Variants in DGKB observed in about 807,000 individuals in gnomAD.
DGKB encodes the protein 90 kDa diacylglycerol kinase.
A neutral mutation model predicts 114.3 loss-of-function variants in DGKB; 67 were observed. The observed-to-expected ratio is 0.59, with a 90% CI of 0.48 to 0.72. The LOEUF is 0.72. DGKB is among the 30% of genes least tolerant of loss of function. The pLI is 0.00. For missense variants in DGKB, 907 were observed against 975.2 expected (o/e 0.93, Z 0.93); for synonymous variants, 398 against 323.1 (o/e 1.23, Z -2.49).
chr7:14,787,332 G>A (rs1840045396), intron 2 of DGKB, among the ~76,000 whole-genome samples: 1 of 152,294 alleles, frequency 6.6e-6, no homozygotes, highest in East Asian at 1.9e-4. Flanking sequence ...GCTAAGTTCA[G>A]AGTCCTACTT....
intron 21 of DGKB, among the ~76,000 whole-genome samples, chr7:14,346,202 T>C (rs1262445313): frequency 6.6e-6 from 1 of 151,838 alleles, no homozygotes; most frequent in Non-Finnish European, 1.5e-5. Flanking sequence ...TAAATATTGA[T>C]ATCTGCTTCT....
At chr7:14,289,222 G>GA (rs1014143087) in intron 23 of DGKB, among the ~76,000 whole-genome samples, 1 of 151,688 alleles carries the variant, frequency 6.6e-6, no homozygotes, top group African/African-American at 2.4e-5. Context: ...ACTCGTGCTT[G>GA]AAAAAAACCA....
chr7:14,635,183 C>T (rs1409012310), intron 13 of DGKB, among the ~76,000 whole-genome samples: 2 of 138,966 alleles, frequency 1.4e-5, no homozygotes, highest in African/African-American at 5.6e-5. Context: ...ATATTTTTAA[C>T]TGTGGTTACT....
At chr7:14,189,757 T>C (rs183879200) in intron 23 of DGKB, among the ~76,000 whole-genome samples, 7 of 152,236 alleles carry the variant, frequency 4.6e-5, no homozygotes, top group East Asian at 1.9e-4. Context: ...ATAAGCCATA[T>C]TGATATCAGA....
At chr7:14,433,214 T>A (rs1046198955) in intron 21 of DGKB, among the ~76,000 whole-genome samples, 1 of 152,080 alleles carries the variant, frequency 6.6e-6, no homozygotes, top group Non-Finnish European at 1.5e-5. Context: ...CTGTCAAGAG[T>A]CATTCCAATT....
At chr7:14,529,280 G>A (rs1791160407) in intron 20 of DGKB, among the ~76,000 whole-genome samples, 1 of 151,880 alleles carries the variant, frequency 6.6e-6, no homozygotes, top group African/African-American at 2.4e-5. Flanking sequence ...TTGAAGATGG[G>A]CAAGAAGAGA....
At chr7:14,610,534 G>A (rs1805355721) in intron 16 of DGKB, among the ~76,000 whole-genome samples, 1 of 151,700 alleles carries the variant, frequency 6.6e-6, no homozygotes, top group African/African-American at 2.4e-5. Flanking sequence ...TAAAGTTAAG[G>A]GATATATTTA....
intron 22 of DGKB, among the ~76,000 whole-genome samples, chr7:14,340,297 G>A (rs1811403539): frequency 1.3e-5 from 2 of 149,508 alleles, no homozygotes; most frequent in South Asian, 4.2e-4. Context: ...TAGATAAACA[G>A]ATATTAATTT....
At chr7:14,967,917 T>C (rs886587780) in intron 1 of DGKB, among the ~76,000 whole-genome samples, 5 of 152,058 alleles carry the variant, frequency 3.3e-5, no homozygotes, top group East Asian at 1.9e-4. Flanking sequence ...AACCTAAAGT[T>C]AGTGCAAAGC....
chr7:14,346,290 T>G (rs1662413537), intron 21 of DGKB, among the ~76,000 whole-genome samples: 1 of 151,932 alleles, frequency 6.6e-6, no homozygotes, highest in African/African-American at 2.4e-5. Context: ...AGCCTATTAT[T>G]GGTTTGGAAA....
chr7:14,784,570 G>A (rs911359181), intron 2 of DGKB, among the ~76,000 whole-genome samples: 1 of 151,756 alleles, frequency 6.6e-6, no homozygotes, highest in East Asian at 1.9e-4. Flanking sequence ...ATGTGGTTTT[G>A]TTTGTTATGT....
intron 16 of DGKB, among the ~76,000 whole-genome samples, chr7:14,610,123 G>A (rs1250666725): frequency 6.6e-6 from 1 of 151,928 alleles, no homozygotes; most frequent in Admixed American, 6.6e-5. Flanking sequence ...ATCAACCTAG[G>A]TATCCATCAA....
At chr7:14,571,270 C>A (rs1435923541) in intron 20 of DGKB, among the ~76,000 whole-genome samples, 2 of 152,224 alleles carry the variant, frequency 1.3e-5, no homozygotes, top group Non-Finnish European at 2.9e-5. Flanking sequence ...TGCTGTAGTT[C>A]TATCAGAGTG....
At chr7:14,645,218 G>A (rs924358560) in intron 13 of DGKB, among the ~76,000 whole-genome samples, 1 of 152,018 alleles carries the variant, frequency 6.6e-6, no homozygotes, top group Non-Finnish European at 1.5e-5. Context: ...TCTCATTGCC[G>A]AGAGCTTTCC....
intron 5 of DGKB, among the ~76,000 whole-genome samples, chr7:14,721,596 G>A (rs1339880109): frequency 6.6e-6 from 1 of 151,946 alleles, no homozygotes; most frequent in Non-Finnish European, 1.5e-5. Context: ...TATTAAAGCT[G>A]TATCACATAT....
intron 23 of DGKB, among the ~76,000 whole-genome samples, chr7:14,178,409 CCAA>C (rs1156799840): frequency 0.011 from 1,075 of 95,256 alleles, 13 homozygotes; most frequent in African/African-American, 0.072. Context: ...CCAAATAATA[CCAA>C]AAAAAAAAAA....
intron 2 of DGKB, among the ~76,000 whole-genome samples, chr7:14,837,226 A>T (rs1478284884): frequency 1.3e-5 from 2 of 152,204 alleles, no homozygotes; most frequent in Non-Finnish European, 2.9e-5. Flanking sequence ...CTATCCAAGA[A>T]TACTGTGCCA....
Position 14,810,601 on chromosome 7 carries a change from T to C in DGKB, c.70+30593A>G, listed in dbSNP as rs10269733. On this transcript the variant is annotated intron_variant, in intron 2 of 25. Transcript: ENST00000402815. ...ATAAATTTTTCTTACTAAGCCTTTC[T>C]TTTTTTTTCTTGAGACAGAGTCTCA... Among the ~76,000 whole-genome samples, 800 of 151,836 alleles carry C rather than the reference T, an allele frequency of 5.3e-3. 5 individuals carry two copies. Among genetic ancestry groups the C allele is most frequent in the African/African-American group, 0.018 (752 of 41,392 alleles).
At chr7:14,709,208 T>G (rs1325215591) in intron 6 of DGKB, among the ~76,000 whole-genome samples, 5 of 152,146 alleles carry the variant, frequency 3.3e-5, no homozygotes, top group African/African-American at 1.2e-4. Flanking sequence ...AACAGGCACA[T>G]GAAAAAATGC....
Sources: allele counts gnomAD v4.1 joint callset (sites outside exome capture counted in the v4.1 genomes callset), GRCh38; gene constraint gnomAD v4.1.1; transcripts MANE v1.5; gene names NCBI Gene and HGNC (gene_info 2026-07-23, HGNC 2026-07-21).